The following VPS13B variants were observed in gnomAD, a reference collection of about 807,000 sequenced individuals.
VPS13B encodes the protein vacuolar protein sorting 13 homolog B.
VPS13B carries 285 observed loss-of-function variants against 426.4 expected under a neutral mutation model. The ratio of observed to expected loss-of-function variants is 0.67; its 90% CI spans 0.61 to 0.74. VPS13B has a LOEUF of 0.74. Among genes scored for constraint, VPS13B ranks in the 30% least tolerant of loss-of-function variants. VPS13B has a pLI of 0.00. For missense variants in VPS13B, 4,537 were observed against 4,782.6 expected, an observed-to-expected ratio of 0.95 and a Z score of 1.51; for synonymous variants, 1,676 against 1,676.4, an observed-to-expected ratio of 1.00 and a Z score of 0.01.
At chr8:99,201,082 A>G (rs1251548996) in intron 17 of VPS13B, among the ~76,000 whole-genome samples, 1 of 151,778 alleles carries the variant, frequency 6.6e-6, no homozygotes, top group African/African-American at 2.4e-5. Flanking sequence ...CTATGACACT[A>G]TAATTTTAGA....
chr8:99,634,212 T>A (rs940453211), intron 33 of VPS13B, among the ~76,000 whole-genome samples: 4 of 151,986 alleles, frequency 2.6e-5, no homozygotes, highest in African/African-American at 9.7e-5. Flanking sequence ...GGTAGGTGGA[T>A]ACATATACTT....
At chr8:99,431,139 C>T (rs563972262) in intron 21 of VPS13B, among the ~76,000 whole-genome samples, 1 of 152,258 alleles carries the variant, frequency 6.6e-6, no homozygotes, top group South Asian at 2.1e-4. Flanking sequence ...AGTTGAATTT[C>T]TCTTTTTCTT....
intron 31 of VPS13B, among the ~76,000 whole-genome samples, chr8:99,569,121 C>T (rs985166732): frequency 3.9e-5 from 6 of 152,020 alleles, no homozygotes; most frequent in African/African-American, 9.7e-5. Flanking sequence ...CACGCCTGGC[C>T]GATTACCACA....
chr8:99,599,912 CA>C (rs1347645044), intron 33 of VPS13B, among the ~76,000 whole-genome samples: 1 of 152,030 alleles, frequency 6.6e-6, no homozygotes, highest in Non-Finnish European at 1.5e-5. Flanking sequence ...CTTTGAGAGA[CA>C]AAAAATACAC....
At chr8:99,177,773 T>A (rs1188455487) in intron 16 of VPS13B, among the ~76,000 whole-genome samples, 1 of 152,218 alleles carries the variant, frequency 6.6e-6, no homozygotes, top group Non-Finnish European at 1.5e-5. Context: ...ATTCTTAGCT[T>A]ATTGCCTTTA....
chr8:99,074,213 A>T (rs997448625), intron 3 of VPS13B, among the ~76,000 whole-genome samples: 1 of 152,084 alleles, frequency 6.6e-6, no homozygotes, highest in African/African-American at 2.4e-5. Context: ...GGCCTTTATT[A>T]TGTTGAGGTG....
At chr8:99,736,777 A>G (rs1833849135) in intron 39 of VPS13B, among the ~76,000 whole-genome samples, 1 of 152,022 alleles carries the variant, frequency 6.6e-6, no homozygotes, top group Non-Finnish European at 1.5e-5. Flanking sequence ...TTTTGCCTCC[A>G]TGTATTTTCT....
chr8:99,113,277 T>G (rs1847469253), intron 6 of VPS13B, among the ~76,000 whole-genome samples: 1 of 152,144 alleles, frequency 6.6e-6, no homozygotes, highest in Admixed American at 6.5e-5. Flanking sequence ...TTTAAATTGT[T>G]TTTTTGTAGA....
intron 19 of VPS13B, chr8:99,346,765 T>C: frequency 6.5e-6 from 1 of 153,474 alleles, no homozygotes; most frequent in Non-Finnish European, 1.5e-5. Context: ...TTGTCCTTCC[T>C]GGAGTCAACT....
At chr8:99,033,380 A>C (rs768752145) in intron 2 of VPS13B, among the ~76,000 whole-genome samples, 4 of 152,066 alleles carry the variant, frequency 2.6e-5, no homozygotes, top group Non-Finnish European at 5.9e-5. Context: ...CAATATCTAT[A>C]TATTTTTTGT....
At chr8:99,683,075 CT>C (rs567546237) in intron 35 of VPS13B, among the ~76,000 whole-genome samples, 3 of 151,902 alleles carry the variant, frequency 2.0e-5, no homozygotes, top group South Asian at 2.1e-4. Flanking sequence ...GTTTAAGGTA[CT>C]TTTTTTTGTA....
chr8:99,247,325 T>C (rs1391250887), intron 17 of VPS13B, among the ~76,000 whole-genome samples: 1 of 152,364 alleles, frequency 6.6e-6, no homozygotes, highest in East Asian at 1.9e-4. Context: ...TTGTACTTAA[T>C]GTTTAGATCT....
chr8:99,873,839 A>G (rs1817558239), intron 61 of VPS13B, among the ~76,000 whole-genome samples: 1 of 152,208 alleles, frequency 6.6e-6, no homozygotes, highest in Non-Finnish European at 1.5e-5. Context: ...CTCTTAGTGC[A>G]TCCCAACATA....
intron 23 of VPS13B, among the ~76,000 whole-genome samples, chr8:99,457,192 C>T (rs911487203): frequency 9.2e-5 from 14 of 151,918 alleles, no homozygotes; most frequent in African/African-American, 2.7e-4. Flanking sequence ...CCAACATGCC[C>T]GGCTAACATT....
At chr8:99,184,703 A>C (rs775893553) in intron 16 of VPS13B, among the ~76,000 whole-genome samples, 5 of 152,204 alleles carry the variant, frequency 3.3e-5, no homozygotes, top group African/African-American at 4.8e-5. Flanking sequence ...ATATATGACA[A>C]AAGCTGGCCA....
rs1001632963 is a variant in VPS13B, at chr8:99,537,710, G to A, written c.4745+16700G>A. Reference sequence around the variant, plus strand: ...GTGTTTCCTGCCAGTAGAATTAGAGGAAGGAAGCACCAGGCCAAAATGTTT... The same window carrying A: ...GTGTTTCCTGCCAGTAGAATTAGAGAAAGGAAGCACCAGGCCAAAATGTTT... On this transcript the variant is annotated intron_variant, in intron 30 of 61. Coordinates refer to ENST00000357162, the MANE Select transcript of VPS13B (RefSeq NM_152564.5). 1.2e-4 allele frequency among the ~76,000 whole-genome samples: 19 copies of A among 152,136 alleles called. 1 individual carries two copies. The highest frequency in any genetic ancestry group is 4.3e-4 in the African/African-American group (18 of 41,432).
intron 23 of VPS13B, among the ~76,000 whole-genome samples, chr8:99,451,970 C>T (rs1818215800): frequency 6.6e-6 from 1 of 152,138 alleles, no homozygotes; most frequent in African/African-American, 2.4e-5. Context: ...TTTGAAATTC[C>T]TCTCCTTTTG....
chr8:99,808,751 A>G (rs79920148), intron 43 of VPS13B, among the ~76,000 whole-genome samples: 250 of 152,032 alleles, frequency 1.6e-3, no homozygotes, highest in African/African-American at 5.3e-3. Flanking sequence ...AAATATAAAT[A>G]TGTATCAGGA....
rs1237319310 is a variant in VPS13B at position 99,023,656 on chromosome 8, T to G, written c.147+9721T>G. Among the ~76,000 whole-genome samples the G allele has an allele frequency of 2.0e-5, 3 of 152,222 alleles. No homozygotes were observed. In the East Asian group the frequency reaches 5.8e-4, roughly 29 times the overall value. ...CCACCACACCTGGCTAATTTTTGTATTTTTAGTAGAGACAGGGTTTCACCA... is the reference window on the plus strand; with the variant it reads ...CCACCACACCTGGCTAATTTTTGTAGTTTTAGTAGAGACAGGGTTTCACCA... On this transcript the variant is annotated intron_variant, in intron 2 of 61. Coordinates refer to ENST00000357162, the MANE Select transcript of VPS13B (RefSeq NM_152564.5).
Sources: gnomAD v4.1 joint callset for allele counts (sites outside exome capture counted in the v4.1 genomes callset) on GRCh38, gnomAD v4.1.1 for gene constraint, MANE v1.5 for transcripts, NCBI Gene and HGNC (gene_info 2026-07-23, HGNC 2026-07-21) for gene names.